The following ZNF704 variants were observed in gnomAD, a reference collection of about 807,000 sequenced individuals.
ZNF704 encodes zinc finger protein 704, also known as glucocorticoid induced gene 1.
ZNF704 carries 10 observed loss-of-function variants against 44.7 expected under a neutral mutation model. That is an observed-to-expected ratio of 0.22 (90% CI 0.14 to 0.38). ZNF704 has a LOEUF of 0.38. Ranked by LOEUF, ZNF704 falls within the 10% of genes least tolerant of loss-of-function variation. The probability of loss-of-function intolerance (pLI) is 1.00; values close to 1 mark genes in which losing one functional copy is unlikely to be tolerated. For synonymous variants in ZNF704, 211 were observed against 207.6 expected (o/e 1.02, Z -0.14); for missense variants, 390 against 545.5 (o/e 0.71, Z 2.84).
At chr8:80,711,396 C>A (rs947220991) in intron 2 of ZNF704, among the ~76,000 whole-genome samples, 2 of 152,068 alleles carry the variant, frequency 1.3e-5, no homozygotes, top group Non-Finnish European at 1.5e-5. Context: ...AATAGAGAAA[C>A]CCACTATGAA....
intron 3 of ZNF704, among the ~76,000 whole-genome samples, chr8:80,687,742 T>C (rs1379892894): frequency 6.6e-6 from 1 of 152,140 alleles, no homozygotes; most frequent in Admixed American, 6.6e-5. Flanking sequence ...GGGATCATAG[T>C]GGGGATTATA....
At chr8:80,723,568 G>C (rs973438950) in intron 2 of ZNF704, among the ~76,000 whole-genome samples, 1 of 152,162 alleles carries the variant, frequency 6.6e-6, no homozygotes, top group East Asian at 1.9e-4. Flanking sequence ...GCTTATTTGT[G>C]TATTTTTAAA....
intron 2 of ZNF704, among the ~76,000 whole-genome samples, chr8:80,800,990 G>A (rs1336232627): frequency 6.6e-6 from 1 of 151,938 alleles, no homozygotes; most frequent in Non-Finnish European, 1.5e-5. Flanking sequence ...ATGGAACACA[G>A]AAAAAAGCAG....
chr8:80,841,558 TGAGA>T (rs753840267), intron 1 of ZNF704, among the ~76,000 whole-genome samples: 5 of 152,218 alleles, frequency 3.3e-5, no homozygotes, highest in Non-Finnish European at 7.3e-5. Context: ...CACGTGTTAT[TGAGA>T]GAATCAAATG....
intron 4 of ZNF704, among the ~76,000 whole-genome samples, chr8:80,679,635 A>G (rs1003344155): frequency 6.6e-6 from 1 of 152,212 alleles, no homozygotes; most frequent in Non-Finnish European, 1.5e-5. Flanking sequence ...CAACGTCAGC[A>G]AAGACCTCAA....
intron 2 of ZNF704, among the ~76,000 whole-genome samples, chr8:80,743,427 T>C (rs57987947): frequency 0.041 from 6,232 of 152,176 alleles, 451 homozygotes; most frequent in African/African-American, 0.14. Flanking sequence ...TAAATAAATA[T>C]AAACTAATAG....
At chr8:80,645,712 CT>C (rs1255900804) in intron 7 of ZNF704, among the ~76,000 whole-genome samples, 6 of 152,342 alleles carry the variant, frequency 3.9e-5, no homozygotes, top group Middle Eastern at 3.4e-3. Flanking sequence ...GCAGATGCCA[CT>C]GTGCTTCCTG....
intron 2 of ZNF704, among the ~76,000 whole-genome samples, chr8:80,706,975 A>C (rs1818909345): frequency 6.6e-6 from 1 of 152,188 alleles, no homozygotes; most frequent in Non-Finnish European, 1.5e-5. Context: ...AGAGAAAAAA[A>C]ATTGTCATCT....
chr8:80,760,540 C>T (rs995717838), intron 2 of ZNF704, among the ~76,000 whole-genome samples: 1 of 151,262 alleles, frequency 6.6e-6, no homozygotes, highest in Admixed American at 6.6e-5. Flanking sequence ...CCTGTAGTCC[C>T]AGCTACTCAG....
chr8:80,791,808 T>C (rs1807713177), intron 2 of ZNF704, among the ~76,000 whole-genome samples: 1 of 152,098 alleles, frequency 6.6e-6, no homozygotes, highest in African/African-American at 2.4e-5. Context: ...AAGGAAGTGA[T>C]GAGTTCAGCC....
chr8:80,712,036 T>C (rs1195805517), intron 2 of ZNF704, among the ~76,000 whole-genome samples: 17 of 152,222 alleles, frequency 1.1e-4, no homozygotes. Flanking sequence ...GTCCACGTGT[T>C]GGAAACTTAA....
chr8:80,756,486 T>C (rs1807038439), intron 2 of ZNF704, among the ~76,000 whole-genome samples: 1 of 152,176 alleles, frequency 6.6e-6, no homozygotes, highest in Non-Finnish European at 1.5e-5. Flanking sequence ...GTTTATGTGT[T>C]TGAAAATGAA....
At chr8:80,840,773 C>T (rs1374293526) in intron 1 of ZNF704, among the ~76,000 whole-genome samples, 2 of 152,166 alleles carry the variant, frequency 1.3e-5, no homozygotes, top group Non-Finnish European at 2.9e-5. Flanking sequence ...ATGCTTTCTC[C>T]AGGGTCACAA....
At chr8:80,660,470 CAAAA>C (rs139254906) in intron 6 of ZNF704, among the ~76,000 whole-genome samples, 2 of 76,980 alleles carry the variant, frequency 2.6e-5, no homozygotes, top group African/African-American at 3.9e-5. Flanking sequence ...AATCTTGTCT[CAAAA>C]AAAAAAAAAA....
intron 4 of ZNF704, among the ~76,000 whole-genome samples, chr8:80,679,734 C>T (rs748019636): frequency 5.3e-5 from 8 of 152,212 alleles, no homozygotes; most frequent in Non-Finnish European, 1.2e-4. Flanking sequence ...TGGTCCTGTG[C>T]TAGCAGCTTC....
In ZNF704 at chr8:80,721,891, A is replaced by C. The variant is rs541196575; in HGVS notation, c.222-28784T>G. 1.3e-4 allele frequency among the ~76,000 whole-genome samples: 20 copies of C among 152,338 alleles called. No individual in the cohort carries two copies. The South Asian group carries it at 4.1e-3, about 32-fold the overall frequency. On this transcript the variant is annotated intron_variant, in intron 2 of 8. Transcript: ENST00000327835. ...TTAACTCAAAATTTAAATGTAATCTAGGCTAAGGTTTTAGAGGAGAGGCTT... is the reference window on the plus strand; with the variant it reads ...TTAACTCAAAATTTAAATGTAATCTCGGCTAAGGTTTTAGAGGAGAGGCTT...
chr8:80,655,376 T>C (rs902016660), intron 7 of ZNF704, among the ~76,000 whole-genome samples: 1 of 144,328 alleles, frequency 6.9e-6, no homozygotes, highest in Non-Finnish European at 1.5e-5. Context: ...GTTCCCAGTA[T>C]AAAAAAAAAA....
At chr8:80,725,431 A>G (rs1466011279) in intron 2 of ZNF704, among the ~76,000 whole-genome samples, 1 of 152,182 alleles carries the variant, frequency 6.6e-6, no homozygotes, top group Non-Finnish European at 1.5e-5. Flanking sequence ...TTATTTACTT[A>G]ATACAGCAGC....
chr8:80,721,232 G>A (rs570015301), intron 2 of ZNF704, among the ~76,000 whole-genome samples: 16 of 152,254 alleles, frequency 1.1e-4, no homozygotes, highest in Admixed American at 9.8e-4. Context: ...GTTAAATCTG[G>A]ATAAAGCTGA....
Sources: gnomAD v4.1 joint callset for allele counts (sites outside exome capture counted in the v4.1 genomes callset) on GRCh38, gnomAD v4.1.1 for gene constraint, MANE v1.5 for transcripts, NCBI Gene and HGNC (gene_info 2026-07-23, HGNC 2026-07-21) for gene names.